The following CPM variants were observed in gnomAD, a reference collection of about 807,000 sequenced individuals.
The protein encoded by CPM is renal carboxypeptidase.
In CPM, 35 loss-of-function variants were observed where a neutral mutation model predicts 46.4. The observed-to-expected ratio is 0.75, with a 90% CI of 0.58 to 1.00. The LOEUF (loss-of-function observed/expected upper bound fraction) is 1.00, where lower values mean the gene tolerates loss of function less well. Ranked by LOEUF, CPM falls within the 50% of genes least tolerant of loss-of-function variation. CPM has a pLI of 0.00. For synonymous variants in CPM, 195 were observed against 195.3 expected (o/e 1.00, Z 0.01); for missense variants, 422 against 530.4 (o/e 0.80, Z 2.01).
rs1885723556 is a variant in CPM, at chr12:68,872,032, C to A, written c.259-76G>T. 6 of 1,463,350 alleles carry A rather than the reference C, an allele frequency of 4.1e-6. No individual in the cohort carries two copies. In the East Asian group the frequency reaches 6.8e-5, roughly 17 times the overall value. The allele number at this position is 1,463,350 out of a possible 1,614,324, so 90.6% of individuals were successfully genotyped here. ...GAAAGCACTCCCTACGGTACAAATTCCCCAATAGGGGTCTCTACACATGAT... is the reference window on the plus strand; with the variant it reads ...GAAAGCACTCCCTACGGTACAAATTACCCAATAGGGGTCTCTACACATGAT... On this transcript the variant is annotated intron_variant, in intron 3 of 8. Transcript: ENST00000551568.
intron 1 of CPM, among the ~76,000 whole-genome samples, chr12:68,952,850 T>C (rs951262185): frequency 6.6e-6 from 1 of 152,180 alleles, no homozygotes; most frequent in Non-Finnish European, 1.5e-5. Flanking sequence ...CAGAAGTAAG[T>C]AGAAAGAGAA....
chr12:68,919,037 G>A (rs988224843), intron 2 of CPM, among the ~76,000 whole-genome samples: 13 of 152,100 alleles, frequency 8.5e-5, no homozygotes, highest in African/African-American at 2.9e-4. Context: ...AGCCACCCTG[G>A]TCTCACTTCT....
intron 1 of CPM, among the ~76,000 whole-genome samples, chr12:68,960,409 A>G (rs932136610): frequency 2.0e-5 from 3 of 152,202 alleles, no homozygotes; most frequent in Non-Finnish European, 4.4e-5. Context: ...TGAAACGTGG[A>G]TGTAACTATT....
chr12:68,949,522 C>T (rs901415793), intron 1 of CPM, among the ~76,000 whole-genome samples: 1 of 152,208 alleles, frequency 6.6e-6, no homozygotes, highest in African/African-American at 2.4e-5. Context: ...GGCATTAACT[C>T]CTGTAAGCTT....
In CPM at chr12:68,932,583, T is replaced by C; in HGVS notation, c.160+95A>G. On this transcript the variant is annotated intron_variant, in intron 2 of 8. Transcript: ENST00000551568. Reference sequence around the variant, plus strand: ...CTTGTTCTGTGCCACTCAGAGTAGGTGCGTGGAAGAGCAGACAGGAAGCTG... The same window carrying C: ...CTTGTTCTGTGCCACTCAGAGTAGGCGCGTGGAAGAGCAGACAGGAAGCTG... The C allele has an allele frequency of 1.0e-5, 15 of 1,433,232 alleles. No individual in the cohort carries two copies. The South Asian group carries it at 1.8e-4, about 17-fold the overall frequency. The allele number at this position is 1,433,232 out of a possible 1,614,324, so 88.8% of individuals were successfully genotyped here.
chr12:68,866,836 A>C, intron 7 of CPM, 60 bp downstream of exon 7: 2 of 1,437,020 alleles, frequency 1.4e-6, no homozygotes, highest in Non-Finnish European at 1.9e-6. Context: ...GTCAACCCAG[A>C]GGTCTTGCCA....
rs920434106 is a variant in CPM, at chr12:68,856,500, T to C, written c.1269A>G (p.Ser423=). ...AGAACAAACTAGGCTTTGTTGCAGC[T>C]GAGTGGTCTGGCAAATTTCTGTATA... ...IPLYRNLPDH[S]AATKPSLFLF... is the part of the protein sequence containing the mutation. Residue 423 remains serine, a synonymous_variant, in exon 9 of 9, where the codon TCA becomes TCG. Coordinates refer to ENST00000551568, the MANE Select transcript of CPM (RefSeq NM_198320.5). 4 of 1,614,158 alleles carry C rather than the reference T, an allele frequency of 2.5e-6. No individual in the cohort carries two copies. Among genetic ancestry groups the C allele is most frequent in the Admixed American group, 1.7e-5 (1 of 60,024 alleles).
At chr12:68,883,753 C>T (rs1886301243) in intron 3 of CPM, among the ~76,000 whole-genome samples, 1 of 151,812 alleles carries the variant, frequency 6.6e-6, no homozygotes, top group Non-Finnish European at 1.5e-5. Context: ...GAAATGCCAG[C>T]AATAAAAAAA....
intron 2 of CPM, among the ~76,000 whole-genome samples, chr12:68,906,918 G>C (rs959682652): frequency 6.6e-6 from 1 of 152,192 alleles, no homozygotes; most frequent in African/African-American, 2.4e-5. Flanking sequence ...ATAGTATTCC[G>C]TCAGGGAATG....
rs953869126 is a variant in CPM at position 68,901,412 on chromosome 12, G to C, written c.161-15523C>G. Among the ~76,000 whole-genome samples, 13 of 152,322 alleles carry C rather than the reference G, an allele frequency of 8.5e-5. No individual in the cohort carries two copies. In the South Asian group the frequency reaches 1.4e-3, roughly 17 times the overall value. On this transcript the variant is annotated intron_variant, in intron 2 of 8. Coordinates refer to ENST00000551568, the MANE Select transcript of CPM (RefSeq NM_198320.5). ...CCCCAAGGTGAGGAATTCACAGTCT[G>C]CTTCTCTCTGATGAAAACACAGAGC...
At chr12:68,954,408 T>C (rs1473888204) in intron 1 of CPM, among the ~76,000 whole-genome samples, 1 of 152,180 alleles carries the variant, frequency 6.6e-6, no homozygotes, top group Non-Finnish European at 1.5e-5. Flanking sequence ...GTACTGGGCA[T>C]AGTTTACACT....
At chr12:68,953,415 C>G (rs1243125752) in intron 1 of CPM, among the ~76,000 whole-genome samples, 2 of 152,198 alleles carry the variant, frequency 1.3e-5, no homozygotes, top group Non-Finnish European at 2.9e-5. Context: ...AAGCCACAAT[C>G]TCTTCAATAA....
chr12:68,871,187 A>G (rs1885677611), intron 4 of CPM, among the ~76,000 whole-genome samples: 2 of 152,230 alleles, frequency 1.3e-5, no homozygotes, highest in African/African-American at 4.8e-5. Context: ...TAGTTCTTGG[A>G]CTACTGGCCT....
chr12:68,926,545 ATTTT>A (rs1407819891), intron 2 of CPM, among the ~76,000 whole-genome samples: 1 of 151,688 alleles, frequency 6.6e-6, no homozygotes, highest in African/African-American at 2.4e-5. Context: ...GCTGCTTTTT[ATTTT>A]TATTTATTTA....
rs555784449 is a variant in CPM, at chr12:68,946,265, A to C, written c.-3-13425T>G. On this transcript the variant is annotated intron_variant, in intron 1 of 8. Transcript: ENST00000546373. Reference sequence around the variant, plus strand: ...ACCAAAGACAAATCATAGCAGGACCAATTTATTTGCAAAATAAGCTTTGGT... The same window carrying C: ...ACCAAAGACAAATCATAGCAGGACCCATTTATTTGCAAAATAAGCTTTGGT... 2.0e-5 allele frequency among the ~76,000 whole-genome samples: 3 copies of C among 152,322 alleles called. No homozygotes were observed. The East Asian group carries it at 5.8e-4, about 29-fold the overall frequency.
intron 1 of CPM, among the ~76,000 whole-genome samples, chr12:68,955,141 GGCAGAACGA>G (rs1433047552): frequency 1.3e-5 from 2 of 152,192 alleles, no homozygotes; most frequent in East Asian, 3.9e-4. Flanking sequence ...GGGCCGAGTG[GGCAGAACGA>G]GCCCAGGAGG....
chr12:68,959,146 G>A (rs7300126), intron 1 of CPM, among the ~76,000 whole-genome samples: 93,594 of 152,056 alleles, frequency 0.62, 29,000 homozygotes, highest in Non-Finnish European at 0.65. Context: ...CTCAGAATGT[G>A]AATGCCATGA....
At chr12:68,941,012 C>T (rs949824281) in intron 1 of CPM, among the ~76,000 whole-genome samples, 5 of 152,126 alleles carry the variant, frequency 3.3e-5, no homozygotes, top group Non-Finnish European at 4.4e-5. Flanking sequence ...TCTCCTGCTC[C>T]TGGCTACCAA....
In CPM at chr12:68,895,718, G is replaced by A. The variant is rs1234531208; in HGVS notation, c.161-9829C>T. Among the ~76,000 whole-genome samples the A allele has an allele frequency of 2.6e-5, 4 of 152,290 alleles. No individual in the cohort carries two copies. In the East Asian group the frequency reaches 5.8e-4, roughly 22 times the overall value. On this transcript the variant is annotated intron_variant, in intron 2 of 8. Coordinates refer to ENST00000551568, the MANE Select transcript of CPM (RefSeq NM_198320.5). Reference sequence around the variant, plus strand: ...TTTTAGGCCAGACACAGTGGCTCACGCCTGTAATCCCAGCACTTTGGGAGG... The same window carrying A: ...TTTTAGGCCAGACACAGTGGCTCACACCTGTAATCCCAGCACTTTGGGAGG...
Sources: gnomAD v4.1 joint callset for allele counts (sites outside exome capture counted in the v4.1 genomes callset) on GRCh38, gnomAD v4.1.1 for gene constraint, MANE v1.5 for transcripts, NCBI Gene and HGNC (gene_info 2026-07-23, HGNC 2026-07-21) for gene names.